TAPT1: variants seen among roughly 807,000 people sequenced by gnomAD.
TAPT1 encodes the protein transmembrane anterior posterior transformation protein 1 homolog.
In TAPT1, 28 loss-of-function variants were observed where a neutral mutation model predicts 65.6. The ratio of observed to expected loss-of-function variants is 0.43; its 90% CI spans 0.32 to 0.59. The LOEUF (loss-of-function observed/expected upper bound fraction) is 0.59, where lower values mean the gene tolerates loss of function less well. Among genes scored for constraint, TAPT1 ranks in the 20% least tolerant of loss-of-function variants. The probability of loss-of-function intolerance (pLI) is 0.09; values close to 1 mark genes in which losing one functional copy is unlikely to be tolerated. For synonymous variants in TAPT1, 278 were observed against 245.2 expected (o/e 1.13, Z -1.25); for missense variants, 563 against 679.9 (o/e 0.83, Z 1.91).
chr4:16,180,482 C>CT (rs1257266633), intron 7 of TAPT1, among the ~76,000 whole-genome samples: 3 of 152,106 alleles, frequency 2.0e-5, no homozygotes, highest in Non-Finnish European at 4.4e-5. Context: ...ATCTCAAAAG[C>CT]TTTTTTACAG....
At chr4:16,198,748 C>T (rs1178740728) in intron 3 of TAPT1, among the ~76,000 whole-genome samples, 5 of 152,100 alleles carry the variant, frequency 3.3e-5, no homozygotes, top group Non-Finnish European at 2.9e-5. Flanking sequence ...GTAGAAAACA[C>T]AGGAATAAAA....
At chr4:16,203,038 C>T (rs1335284416) in intron 2 of TAPT1, among the ~76,000 whole-genome samples, 1 of 152,186 alleles carries the variant, frequency 6.6e-6, no homozygotes, top group Non-Finnish European at 1.5e-5. Context: ...ACTTGCTGCA[C>T]TCAGAAGGCC....
intron 1 of TAPT1, among the ~76,000 whole-genome samples, chr4:16,215,307 A>T (rs1445239540): frequency 4.0e-5 from 6 of 151,182 alleles, no homozygotes; most frequent in African/African-American, 1.2e-4. Flanking sequence ...ACAACAACAA[A>T]ATATATATAT....
Position 16,214,822 on chromosome 4 carries a change from T to C in TAPT1, c.200-924A>G, listed in dbSNP as rs531565487. 1.4e-4 allele frequency among the ~76,000 whole-genome samples: 21 copies of C among 152,342 alleles called. 1 individual carries two copies. The highest frequency in any genetic ancestry group is 3.4e-3 in the Middle Eastern group (1 of 294). On this transcript the variant is annotated intron_variant, in intron 1 of 13. Coordinates refer to ENST00000405303, the MANE Select transcript of TAPT1 (RefSeq NM_153365.3). ...AAAGGTTTCCAACTGTCCACTGTTC[T>C]CTTTGCTCTGAGCTGGCCTTGTGGT...
At chr4:16,170,790 ATTAG>A in intron 11 of TAPT1, 61 bp from the exon 12 acceptor site, 1 of 1,251,304 alleles carries the variant, frequency 8.0e-7, no homozygotes, top group Non-Finnish European at 1.2e-6. Flanking sequence ...CCACAGAGTT[ATTAG>A]TTAATACTTA....
upstream of TAPT1, chr4:16,226,963 G>A: frequency 2.5e-6 from 1 of 406,020 alleles, no homozygotes; most frequent in Admixed American, 3.0e-5. Context: ...CGCCGGCGCC[G>A]CCCGCCAGGT....
intron 6 of TAPT1, 45 bp from the exon 7 acceptor site, chr4:16,186,649 TA>T (rs1447716451): frequency 5.6e-6 from 8 of 1,432,006 alleles, no homozygotes; most frequent in Non-Finnish European, 7.7e-6. Flanking sequence ...TATAACAGTT[TA>T]AAAACTGGAC....
At position 16,161,586 on chromosome 4, in the gene TAPT1, T is replaced by C. The variant is rs13634; in HGVS notation, c.*1722A>G. ...TGTTCCTTTTGTTGGTAAAGGGAGATGGAAAAAATAATTCTAAAATGGGGC... is the reference window on the plus strand; with the variant it reads ...TGTTCCTTTTGTTGGTAAAGGGAGACGGAAAAAATAATTCTAAAATGGGGC... On this transcript the variant is annotated 3_prime_UTR_variant, in exon 14 of 14. Coordinates refer to ENST00000405303, the MANE Select transcript of TAPT1 (RefSeq NM_153365.3). 0.75 allele frequency: 113,793 copies of C among 152,484 alleles called. 42,648 individuals are homozygous for C. Among genetic ancestry groups the C allele is most frequent in the Middle Eastern group, 0.87 (255 of 294 alleles). The allele number at this position is 152,484 out of a possible 1,614,324, so 9.4% of individuals were successfully genotyped here.
intron 2 of TAPT1, among the ~76,000 whole-genome samples, chr4:16,208,107 C>T (rs1008500790): frequency 6.6e-6 from 1 of 151,972 alleles, no homozygotes; most frequent in African/African-American, 2.4e-5. Context: ...GAAATAAATA[C>T]CATGAGAGGG....
At chr4:16,202,871 T>C (rs1397217349) in intron 2 of TAPT1, among the ~76,000 whole-genome samples, 1 of 152,198 alleles carries the variant, frequency 6.6e-6, no homozygotes. Flanking sequence ...GCTCTAGATA[T>C]TATGGAAAAT....
At chr4:16,179,970 G>A (rs1020575737) in intron 7 of TAPT1, among the ~76,000 whole-genome samples, 1 of 152,078 alleles carries the variant, frequency 6.6e-6, no homozygotes, top group Non-Finnish European at 1.5e-5. Context: ...TTCCTCCAAT[G>A]GGCTTTGGGG....
intron 12 of TAPT1, among the ~76,000 whole-genome samples, chr4:16,167,143 G>A (rs764037486): frequency 1.8e-4 from 28 of 151,876 alleles, no homozygotes; most frequent in Non-Finnish European, 3.1e-4. Flanking sequence ...ACAGGCATCC[G>A]CCACCACCCC....
chr4:16,168,284 C>G (rs1468775410), intron 12 of TAPT1, among the ~76,000 whole-genome samples: 27 of 151,950 alleles, frequency 1.8e-4, no homozygotes, highest in Non-Finnish European at 3.4e-4. Flanking sequence ...AGCTAATTTT[C>G]TTTTTTGTAG....
chr4:16,219,777 T>C (rs1324213513), intron 1 of TAPT1, among the ~76,000 whole-genome samples: 1 of 152,198 alleles, frequency 6.6e-6, no homozygotes, highest in Non-Finnish European at 1.5e-5. Flanking sequence ...ATTTTGTCCA[T>C]TTTCATATTA....
chr4:16,170,818 A>G lies in TAPT1; in HGVS notation c.1237-89T>C, dbSNP rs1192982845. The G allele has an allele frequency of 5.1e-6, 5 of 987,146 alleles. No homozygotes were observed. In the African/African-American group the frequency reaches 8.1e-5, roughly 16 times the overall value. 61.1% of individuals were successfully genotyped at this position (987,146 alleles called of 1,614,324 possible). On this transcript the variant is annotated intron_variant, in intron 11 of 13. Transcript: ENST00000405303. Reference sequence around the variant, plus strand: ...AGTTAATACTTAAAAAGATTTCTCCATGCTGACTTTAACATTTTAGGCATA... The same window carrying G: ...AGTTAATACTTAAAAAGATTTCTCCGTGCTGACTTTAACATTTTAGGCATA...
intron 3 of TAPT1, among the ~76,000 whole-genome samples, 195 bp from the exon 4 acceptor site, chr4:16,191,718 T>C (rs1444708205): frequency 1.3e-5 from 2 of 152,202 alleles, no homozygotes; most frequent in African/African-American, 2.4e-5. Context: ...AAGTATAGAA[T>C]ATAAAGATTT....
chr4:16,194,855 T>TCCCCCCCC (rs1749592653), intron 3 of TAPT1, among the ~76,000 whole-genome samples: 2 of 131,784 alleles, frequency 1.5e-5, no homozygotes, highest in African/African-American at 7.0e-5. Flanking sequence ...GGGTCTTGAT[T>TCCCCCCCC]TCTGTCTTCT....
chr4:16,203,159 G>A (rs1750138094), intron 2 of TAPT1, among the ~76,000 whole-genome samples: 1 of 152,094 alleles, frequency 6.6e-6, no homozygotes, highest in Non-Finnish European at 1.5e-5. Flanking sequence ...TACTTGTTAA[G>A]TTTAGGACTA....
At chr4:16,204,480 CAT>C (rs758842358) in intron 2 of TAPT1, among the ~76,000 whole-genome samples, 9 of 152,246 alleles carry the variant, frequency 5.9e-5, no homozygotes, top group African/African-American at 1.7e-4. Flanking sequence ...TCAAAATGTA[CAT>C]GTTTCAAAAT....
Sources: allele counts gnomAD v4.1 joint callset (sites outside exome capture counted in the v4.1 genomes callset), GRCh38; gene constraint gnomAD v4.1.1; transcripts MANE v1.5; gene names NCBI Gene and HGNC (gene_info 2026-07-23, HGNC 2026-07-21).